The following ETFB variants were observed in gnomAD, a reference collection of about 807,000 sequenced individuals.
The protein encoded by ETFB is beta-ETF.
Under a neutral mutation model 25.6 loss-of-function variants are expected in ETFB, and 20 were observed. The observed-to-expected ratio is 0.78, with a 90% CI of 0.55 to 1.14. The LOEUF (loss-of-function observed/expected upper bound fraction) is 1.14, where lower values mean the gene tolerates loss of function less well. Among genes scored for constraint, ETFB ranks in the 50% most tolerant of loss-of-function variants. The probability of loss-of-function intolerance (pLI) is 0.00; values close to 1 mark genes in which losing one functional copy is unlikely to be tolerated. For synonymous variants in ETFB, 142 were observed against 146.7 expected, an observed-to-expected ratio of 0.97 and a Z score of 0.23; for missense variants, 286 against 342.6, an observed-to-expected ratio of 0.83 and a Z score of 1.30.
Position 51,345,256 on chromosome 19 carries a change from G to A in ETFB, c.723C>T (p.Thr241=). ...PQRTAGVKVE[T]TEDLVAKLKE... Reference sequence around the variant, plus strand: ...TCAGCTTGGCCACCAGGTCCTCAGTGGTCTCCACCTTGACGCCGGCCGTGC... The same window carrying A: ...TCAGCTTGGCCACCAGGTCCTCAGTAGTCTCCACCTTGACGCCGGCCGTGC... Residue 241 remains threonine, a synonymous_variant, in exon 6 of 6, where the codon ACC becomes ACT. Coordinates refer to ENST00000309244, the MANE Select transcript of ETFB (RefSeq NM_001985.3). 1 of 1,614,174 alleles carries A rather than the reference G, an allele frequency of 6.2e-7. No homozygotes were observed. Among genetic ancestry groups the A allele is most frequent in the Non-Finnish European group, 8.5e-7 (1 of 1,180,030 alleles).
intron 1 of ETFB, among the ~76,000 whole-genome samples, chr19:51,364,104 T>G: frequency 6.6e-6 from 1 of 150,962 alleles, no homozygotes; most frequent in Admixed American, 6.6e-5. Flanking sequence ...TAAGGCTGGG[T>G]AGAGGTGGGC....
chr19:51,360,199 C>T (rs1287155764), intron 1 of ETFB, among the ~76,000 whole-genome samples: 2 of 151,842 alleles, frequency 1.3e-5, no homozygotes, highest in Non-Finnish European at 2.9e-5. Flanking sequence ...GTCAGGAGTT[C>T]GAGACCAGCC....
intron 1 of ETFB, 44 bp from the exon 2 acceptor site, chr19:51,354,352 C>T (rs776379865): frequency 5.0e-6 from 8 of 1,613,876 alleles, no homozygotes; most frequent in Non-Finnish European, 5.9e-6. Context: ...AGGAAACAGG[C>T]AAGAAGGTGG....
At chr19:51,363,586 C>T (rs1178685118) in intron 1 of ETFB, among the ~76,000 whole-genome samples, 1 of 152,032 alleles carries the variant, frequency 6.6e-6, no homozygotes, top group African/African-American at 2.4e-5. Flanking sequence ...GTAGCTGGGA[C>T]TACAGATACG....
intron 4 of ETFB, among the ~76,000 whole-genome samples, chr19:51,349,043 AC>A (rs1985867064): frequency 6.6e-6 from 1 of 152,246 alleles, no homozygotes; most frequent in South Asian, 2.1e-4. Flanking sequence ...CAGTGTCCGT[AC>A]AACCATTCCG....
At chr19:51,353,874 T>G (rs76180979) in intron 2 of ETFB, among the ~76,000 whole-genome samples, 1 of 6,980 alleles carries the variant, frequency 1.4e-4, no homozygotes, top group Non-Finnish European at 3.4e-4. Flanking sequence ...CAGGCCCCCA[T>G]CCCCTTCTTC....
At chr19:51,364,318 ACAT>A (rs1044076188) in intron 1 of ETFB, among the ~76,000 whole-genome samples, 7 of 152,280 alleles carry the variant, frequency 4.6e-5, no homozygotes, top group Non-Finnish European at 8.8e-5. Flanking sequence ...TCTGAAAAGG[ACAT>A]CAACAGACAC....
chr19:51,348,674 AACG>A (rs1985856871), intron 4 of ETFB: 1 of 3,946 alleles, frequency 2.5e-4, no homozygotes, highest in Non-Finnish European at 7.9e-4. Context: ...TAAATAACTC[AACG>A]AAGCTGTTTA....
intron 4 of ETFB, chr19:51,348,580 C>G (rs1475853052): frequency 6.6e-6 from 1 of 152,018 alleles, no homozygotes; most frequent in East Asian, 1.9e-4. Flanking sequence ...CATAGTGAGA[C>G]CCCCATCTCT....
intron 1 of ETFB, chr19:51,365,597 C>T (rs561712811): frequency 1.9e-5 from 3 of 157,258 alleles, no homozygotes; most frequent in African/African-American, 4.8e-5. Context: ...TGATTCACCT[C>T]TGTCCACACC....
intron 4 of ETFB, among the ~76,000 whole-genome samples, chr19:51,348,715 CAAACAAAA>C (rs1985859243): frequency 2.0e-5 from 3 of 149,736 alleles, no homozygotes; most frequent in Non-Finnish European, 4.4e-5. Context: ...AACAAACAAA[CAAACAAAA>C]AAACACAGAT....
At chr19:51,364,645 G>A (rs923939411) in intron 1 of ETFB, among the ~76,000 whole-genome samples, 11 of 152,210 alleles carry the variant, frequency 7.2e-5, no homozygotes, top group African/African-American at 9.6e-5. Flanking sequence ...TGACAGTAAC[G>A]AACAGTCAGA....
At chr19:51,361,010 C>A (rs1388414399) in intron 1 of ETFB, among the ~76,000 whole-genome samples, 4 of 152,076 alleles carry the variant, frequency 2.6e-5, no homozygotes, top group African/African-American at 7.2e-5. Context: ...TGGTCTCAAT[C>A]TCCTAACCTT....
chr19:51,366,384 G>GGC lies in ETFB; in HGVS notation c.-59_-58insGC. On this transcript the variant is annotated 5_prime_UTR_variant, in exon 1 of 6. Coordinates refer to ENST00000309244, the MANE Select transcript of ETFB (RefSeq NM_001985.3). ...GCACCCTCAGCGGCTCAGTCCAGAA[G>GGC]CCCCACCACCCCCGCCCCCCGCGCC... is the stretch of plus-strand genomic sequence containing the variant. The GGC allele has an allele frequency of 1.3e-6, 2 of 1,525,622 alleles. No homozygotes were observed. Among genetic ancestry groups the GGC allele is most frequent in the Non-Finnish European group, 1.8e-6 (2 of 1,120,124 alleles). 94.5% of individuals were successfully genotyped at this position (1,525,622 alleles called of 1,614,324 possible). A position where few individuals can be genotyped will look rare whatever the true frequency, so the allele number is the denominator to read the frequency against.
At chr19:51,349,447 C>CTT (rs11428639) in intron 4 of ETFB, among the ~76,000 whole-genome samples, 4,360 of 134,132 alleles carry the variant, frequency 0.033, 335 homozygotes, top group African/African-American at 0.1. Context: ...TGCCTTGCTT[C>CTT]TTTTTTTTTT....
intron 4 of ETFB, chr19:51,347,728 G>A (rs2123574521): frequency 6.6e-6 from 1 of 152,530 alleles, no homozygotes; most frequent in East Asian, 1.9e-4. Flanking sequence ...ACATTTTTCA[G>A]GTCTTAGTGT....
chr19:51,345,387 C>T lies in ETFB; in HGVS notation c.598-6G>A. On this transcript the variant is annotated splice_polypyrimidine_tract_variant and splice_region_variant and intron_variant, in intron 5 of 5. Transcript: ENST00000309244. ...ATCTTCTTCTTCTTGGCTTTCTGCACATGGGAAGCCATTGTTCACAGGGCT... is the reference window on the plus strand; with the variant it reads ...ATCTTCTTCTTCTTGGCTTTCTGCATATGGGAAGCCATTGTTCACAGGGCT... 6.2e-7 allele frequency: 1 copy of T among 1,613,934 alleles called. No individual in the cohort carries two copies. The highest frequency in any genetic ancestry group is 8.5e-7 in the Non-Finnish European group (1 of 1,179,858).
chr19:51,346,723 G>C (rs1985792988), intron 5 of ETFB, 177 bp downstream of exon 5: 1 of 637,222 alleles, frequency 1.6e-6, no homozygotes, highest in Non-Finnish European at 2.7e-6. Flanking sequence ...TGAACTCTCA[G>C]TATTGGCAGA....
chr19:51,364,919 T>C (rs555443039), intron 1 of ETFB, among the ~76,000 whole-genome samples: 2 of 152,324 alleles, frequency 1.3e-5, no homozygotes, highest in South Asian at 4.1e-4. Flanking sequence ...CCAGGCACGG[T>C]GGCTCACACC....
Sources: gnomAD v4.1 joint callset for allele counts (sites outside exome capture counted in the v4.1 genomes callset) on GRCh38, gnomAD v4.1.1 for gene constraint, MANE v1.5 for transcripts, NCBI Gene and HGNC (gene_info 2026-07-23, HGNC 2026-07-21) for gene names.